KIAA1328: variants seen among roughly 807,000 people sequenced by gnomAD.
KIAA1328 encodes protein hinderin.
Under a neutral mutation model 68.1 loss-of-function variants are expected in KIAA1328, and 52 were observed. The ratio of observed to expected loss-of-function variants is 0.76; its 90% CI spans 0.61 to 0.96. The LOEUF is 0.96. KIAA1328 is among the 40% of genes least tolerant of loss of function. The pLI, the probability that KIAA1328 is intolerant of heterozygous loss-of-function variation, is 0.00. For missense variants in KIAA1328, 641 were observed against 677.6 expected (o/e 0.95, Z 0.60); for synonymous variants, 232 against 239.4 (o/e 0.97, Z 0.28).
intron 5 of KIAA1328, among the ~76,000 whole-genome samples, chr18:36,901,254 T>C (rs1568140961): frequency 6.6e-6 from 1 of 152,046 alleles, no homozygotes; most frequent in South Asian, 2.1e-4. Flanking sequence ...GTTAATGTTC[T>C]TGGGCATCTT....
At chr18:36,849,160 A>G (rs1404991580) in intron 4 of KIAA1328, among the ~76,000 whole-genome samples, 4 of 151,844 alleles carry the variant, frequency 2.6e-5, no homozygotes, top group Non-Finnish European at 5.9e-5. Context: ...GTGAAACGCA[A>G]TGTGCATTAA....
chr18:37,047,378 A>G (rs571223153), intron 6 of KIAA1328, among the ~76,000 whole-genome samples: 1 of 152,110 alleles, frequency 6.6e-6, no homozygotes, highest in African/African-American at 2.4e-5. Context: ...GCCATCTACT[A>G]TATTAGATGG....
At chr18:37,152,977 C>A (rs531814604) in intron 7 of KIAA1328, among the ~76,000 whole-genome samples, 2 of 152,086 alleles carry the variant, frequency 1.3e-5, no homozygotes, top group Admixed American at 1.3e-4. Flanking sequence ...CATGGAGGCT[C>A]CATCTTTACT....
intron 6 of KIAA1328, among the ~76,000 whole-genome samples, chr18:37,038,752 T>C (rs2055130061): frequency 1.3e-5 from 2 of 152,166 alleles, no homozygotes; most frequent in Admixed American, 1.3e-4. Flanking sequence ...TCAGAAGACG[T>C]AAGAATACAC....
intron 5 of KIAA1328, among the ~76,000 whole-genome samples, chr18:36,915,037 G>T (rs1338549216): frequency 6.6e-6 from 1 of 152,190 alleles, no homozygotes; most frequent in African/African-American, 2.4e-5. Context: ...TTCACAAGAT[G>T]ATTCTAAAAT....
chr18:37,114,178 C>T (rs1045384089), intron 7 of KIAA1328, among the ~76,000 whole-genome samples: 2 of 152,224 alleles, frequency 1.3e-5, no homozygotes, highest in African/African-American at 4.8e-5. Context: ...ATCTACAGAA[C>T]TCTCCACGCC....
chr18:37,072,158 G>A (rs1263598589), intron 7 of KIAA1328, among the ~76,000 whole-genome samples: 1 of 151,736 alleles, frequency 6.6e-6, no homozygotes, highest in Non-Finnish European at 1.5e-5. Context: ...TTATCTTTTT[G>A]TTGTTTTGTT....
At chr18:37,150,063 T>G (rs1254934220) in intron 7 of KIAA1328, among the ~76,000 whole-genome samples, 1 of 152,148 alleles carries the variant, frequency 6.6e-6, no homozygotes, top group Non-Finnish European at 1.5e-5. Flanking sequence ...TACAAAAAAG[T>G]AGAAAATTTG....
At chr18:37,190,355 C>A (rs1211008371) in intron 9 of KIAA1328, among the ~76,000 whole-genome samples, 1 of 152,068 alleles carries the variant, frequency 6.6e-6, no homozygotes, top group Admixed American at 6.5e-5. Flanking sequence ...GTGCTATATT[C>A]TAAAAATGAC....
At chr18:36,834,627 T>G (rs1247932924) in intron 2 of KIAA1328, among the ~76,000 whole-genome samples, 1 of 152,192 alleles carries the variant, frequency 6.6e-6, no homozygotes, top group Non-Finnish European at 1.5e-5. Flanking sequence ...TCTTATTTTT[T>G]CTTTTACAAA....
chr18:36,995,203 C>T (rs560251437), intron 6 of KIAA1328, among the ~76,000 whole-genome samples: 2 of 152,212 alleles, frequency 1.3e-5, no homozygotes, highest in African/African-American at 2.4e-5. Context: ...TGAGAACAGG[C>T]AGTGTTTGGT....
At chr18:37,114,003 A>C (rs188353459) in intron 7 of KIAA1328, among the ~76,000 whole-genome samples, 7 of 152,212 alleles carry the variant, frequency 4.6e-5, no homozygotes. Flanking sequence ...ACCCAGATTC[A>C]TAAAGCAAGT....
intron 6 of KIAA1328, among the ~76,000 whole-genome samples, chr18:37,062,775 C>T (rs1262011150): frequency 6.6e-6 from 1 of 152,062 alleles, no homozygotes; most frequent in Non-Finnish European, 1.5e-5. Flanking sequence ...TTTTTTAATC[C>T]CTGTTTTACT....
At chr18:36,929,309 C>T (rs1015977581) in intron 5 of KIAA1328, among the ~76,000 whole-genome samples, 9 of 152,136 alleles carry the variant, frequency 5.9e-5, no homozygotes, top group Non-Finnish European at 1.0e-4. Context: ...GAACTGCAGA[C>T]ACTGAGATAG....
chr18:37,115,642 A>G (rs1417126224), intron 7 of KIAA1328, among the ~76,000 whole-genome samples: 1 of 152,218 alleles, frequency 6.6e-6, no homozygotes, highest in East Asian at 1.9e-4. Flanking sequence ...CCTGTTCAAC[A>G]TAGTGTTGGA....
At chr18:36,843,334 A>G (rs1047925236) in intron 3 of KIAA1328, among the ~76,000 whole-genome samples, 5 of 152,034 alleles carry the variant, frequency 3.3e-5, no homozygotes, top group Non-Finnish European at 7.4e-5. Flanking sequence ...AATTCACTTT[A>G]GGTGTTTTCA....
intron 5 of KIAA1328, among the ~76,000 whole-genome samples, chr18:36,886,557 T>C (rs955498111): frequency 6.6e-6 from 1 of 151,966 alleles, no homozygotes; most frequent in African/African-American, 2.4e-5. Flanking sequence ...TGTAAGAAGA[T>C]AAAGTAAAAA....
intron 6 of KIAA1328, among the ~76,000 whole-genome samples, chr18:37,004,532 G>T (rs1389933355): frequency 6.6e-6 from 1 of 151,836 alleles, no homozygotes; most frequent in African/African-American, 2.4e-5. Flanking sequence ...ATGATCAGGG[G>T]AACACAAATC....
At chr18:36,899,804 C>A (rs2048979146) in intron 5 of KIAA1328, among the ~76,000 whole-genome samples, 1 of 151,880 alleles carries the variant, frequency 6.6e-6, no homozygotes, top group Admixed American at 6.6e-5. Flanking sequence ...ATTTGAATTC[C>A]TGCTCTGTAA....
Sources: allele counts gnomAD v4.1 joint callset (sites outside exome capture counted in the v4.1 genomes callset), GRCh38; gene constraint gnomAD v4.1.1; transcripts MANE v1.5; gene names NCBI Gene and HGNC (gene_info 2026-07-23, HGNC 2026-07-21).